NTNG1: variants seen among roughly 807,000 people sequenced by gnomAD.
NTNG1 encodes netrin-G1.
A neutral mutation model predicts 54.0 loss-of-function variants in NTNG1; 16 were observed. That is an observed-to-expected ratio of 0.30 (90% CI 0.20 to 0.45). The LOEUF (loss-of-function observed/expected upper bound fraction) is 0.45, where lower values mean the gene tolerates loss of function less well. Ranked by LOEUF, NTNG1 falls within the 20% of genes least tolerant of loss-of-function variation. The pLI is 1.00. For synonymous variants in NTNG1, 255 were observed against 263.1 expected (o/e 0.97, Z 0.30); for missense variants, 530 against 678.7 (o/e 0.78, Z 2.43).
At chr1:107,144,757 A>G (rs189767333) in intron 1 of NTNG1, among the ~76,000 whole-genome samples, 11 of 152,160 alleles carry the variant, frequency 7.2e-5, no homozygotes, top group African/African-American at 2.4e-4. Flanking sequence ...GCCATGACTT[A>G]ATTTTACCTT....
rs565013201 is a variant in NTNG1, at chr1:107,329,335, C to CAGG, written c.887+4416_887+4418dup. On this transcript the variant is annotated intron_variant, in intron 3 of 7. Coordinates refer to ENST00000370068, the MANE Select transcript of NTNG1 (RefSeq NM_001113226.3). The stretch of plus-strand genomic sequence containing the variant: ...TGAGGCAGGCCCCCTACGTCACTCT[C>CAGG]AGGAGTCCAGCTTCTATGTGTAAAC... Among the ~76,000 whole-genome samples, 369 of 152,254 alleles carry CAGG rather than the reference C, an allele frequency of 2.4e-3. 1 individual carries two copies. The highest frequency in any genetic ancestry group is 8.3e-3 in the African/African-American group (345 of 41,566).
intron 7 of NTNG1, among the ~76,000 whole-genome samples, chr1:107,438,972 T>C (rs1047966059): frequency 6.6e-6 from 1 of 152,140 alleles, no homozygotes; most frequent in Non-Finnish European, 1.5e-5. Context: ...TGAGTATGTA[T>C]TGAGTACCTA....
chr1:107,181,229 T>G (rs1002822444), intron 2 of NTNG1, among the ~76,000 whole-genome samples: 1 of 152,126 alleles, frequency 6.6e-6, no homozygotes, highest in East Asian at 1.9e-4. Flanking sequence ...TATTCAGAGC[T>G]GCTTTCTTAG....
chr1:107,197,206 A>G (rs1163280667), intron 2 of NTNG1, among the ~76,000 whole-genome samples: 2 of 151,916 alleles, frequency 1.3e-5, no homozygotes, highest in Admixed American at 1.3e-4. Context: ...TGACACAGGA[A>G]ATGCGGTCTG....
At chr1:107,319,885 A>AT (rs1557896129) in intron 2 of NTNG1, among the ~76,000 whole-genome samples, 1 of 150,942 alleles carries the variant, frequency 6.6e-6, no homozygotes. Context: ...ATATATATAT[A>AT]AAACTCTGAA....
intron 7 of NTNG1, 25 bp from the exon 8 acceptor site, chr1:107,480,586 C>A: frequency 2.1e-6 from 2 of 970,674 alleles, no homozygotes; most frequent in South Asian, 3.2e-5. Context: ...GCCCACCCAC[C>A]CCTACCTTCC....
At chr1:107,181,455 T>C (rs1408853123) in intron 2 of NTNG1, among the ~76,000 whole-genome samples, 1 of 152,086 alleles carries the variant, frequency 6.6e-6, no homozygotes, top group African/African-American at 2.4e-5. Context: ...GCTTTTGTTA[T>C]GCTACTGAAA....
At chr1:107,166,531 C>T (rs1362652162) in intron 2 of NTNG1, among the ~76,000 whole-genome samples, 1 of 151,956 alleles carries the variant, frequency 6.6e-6, no homozygotes. Context: ...AAGTAAGTTG[C>T]CATAATTCTT....
At position 107,480,819 on chromosome 1, in the gene NTNG1, C is replaced by T. The variant is rs1459288420; in HGVS notation, c.1599C>T (p.Thr533=). ...ALLLLTTLLG[T]ASPLVF ...TGCTGCTGACCACGCTGCTGGGAAC[C>T]GCCAGCCCCCTGGTGTTCTAGGTGT... The change falls in exon 8 of 8, where the codon ACC becomes ACT. Residue 533 remains threonine, a synonymous_variant. Coordinates refer to ENST00000370068, the MANE Select transcript of NTNG1 (RefSeq NM_001113226.3). 1 of 1,567,974 alleles carries T rather than the reference C, an allele frequency of 6.4e-7. No homozygotes were observed. The highest frequency in any genetic ancestry group is 1.9e-5 in the Admixed American group (1 of 53,360).
chr1:107,214,954 C>T (rs1389635599), intron 2 of NTNG1, among the ~76,000 whole-genome samples: 1 of 151,676 alleles, frequency 6.6e-6, no homozygotes, highest in African/African-American at 2.4e-5. Flanking sequence ...CTATTTTGTC[C>T]TTAGCCCACT....
At chr1:107,149,797 A>T (rs1355563317) in intron 2 of NTNG1, among the ~76,000 whole-genome samples, 1 of 151,884 alleles carries the variant, frequency 6.6e-6, no homozygotes, top group African/African-American at 2.4e-5. Context: ...TTTTTATTTG[A>T]TAGAAGAACT....
intron 2 of NTNG1, among the ~76,000 whole-genome samples, chr1:107,198,134 C>T (rs190299215): frequency 6.6e-6 from 1 of 152,008 alleles, no homozygotes; most frequent in Non-Finnish European, 1.5e-5. Context: ...ACCAACGGGA[C>T]AATTGGAAAT....
chr1:107,424,145 AG>A (rs1674736618), intron 5 of NTNG1, among the ~76,000 whole-genome samples: 1 of 152,132 alleles, frequency 6.6e-6, no homozygotes, highest in Non-Finnish European at 1.5e-5. Flanking sequence ...TTGAGGGATT[AG>A]GGAATGTGGG....
chr1:107,144,566 A>T (rs928903414), intron 1 of NTNG1, among the ~76,000 whole-genome samples: 22 of 152,092 alleles, frequency 1.4e-4, no homozygotes, highest in African/African-American at 5.3e-4. Flanking sequence ...ACTTCCATGT[A>T]ATATTTTGGG....
intron 7 of NTNG1, 21 bp from the exon 8 acceptor site, chr1:107,480,590 A>ACCCTCCCCCT: frequency 2.8e-6 from 1 of 352,596 alleles, no homozygotes; most frequent in Non-Finnish European, 4.6e-6. Flanking sequence ...ACCCACCCCT[A>ACCCTCCCCCT]CCTTCCCCCT....
intron 3 of NTNG1, among the ~76,000 whole-genome samples, chr1:107,357,311 A>G (rs1394930372): frequency 6.6e-6 from 1 of 152,178 alleles, no homozygotes; most frequent in African/African-American, 2.4e-5. Flanking sequence ...ATTTATACTT[A>G]ACTGGGCCAG....
chr1:107,472,084 C>CTA (rs1678016077), intron 7 of NTNG1, among the ~76,000 whole-genome samples: 1 of 152,100 alleles, frequency 6.6e-6, no homozygotes, highest in Admixed American at 6.5e-5. Flanking sequence ...TTCACTCAGC[C>CTA]CATTAACTAC....
chr1:107,141,117 C>G lies in NTNG1; in HGVS notation c.-549C>G, dbSNP rs1357686391. On this transcript the variant is annotated 5_prime_UTR_variant, in exon 1 of 8. Transcript: ENST00000370068. The stretch of plus-strand genomic sequence containing the variant: ...CCGAGAGGGGGCGACTTGCAGGAGG[C>G]TCCCCCCGGGGGCGGAGGCGAAGGT... 1 of 152,484 alleles carries G rather than the reference C, an allele frequency of 6.6e-6. No homozygotes were observed. 9.4% of individuals were successfully genotyped at this position (152,484 alleles called of 1,614,324 possible).
intron 2 of NTNG1, among the ~76,000 whole-genome samples, chr1:107,299,386 T>G (rs571456360): frequency 6.6e-5 from 10 of 152,044 alleles, no homozygotes; most frequent in East Asian, 1.9e-4. Context: ...ATTTGAAGCG[T>G]TTTTTTTCTT....
Sources: gnomAD v4.1 joint callset for allele counts (sites outside exome capture counted in the v4.1 genomes callset) on GRCh38, gnomAD v4.1.1 for gene constraint, MANE v1.5 for transcripts, NCBI Gene and HGNC (gene_info 2026-07-23, HGNC 2026-07-21) for gene names.